The following COMMD3 variants were observed in gnomAD, a reference collection of about 807,000 sequenced individuals.
COMMD3 encodes COMM domain containing 3.
Under a neutral mutation model 31.2 loss-of-function variants are expected in COMMD3, and 31 were observed. The ratio of observed to expected loss-of-function variants is 0.99; its 90% confidence interval spans 0.75 to 1.34. The LOEUF (loss-of-function observed/expected upper bound fraction) is 1.34, where lower values mean the gene tolerates loss of function less well. COMMD3 is among the 40% of genes most tolerant of loss of function. The probability of loss-of-function intolerance (pLI) is 0.00; values close to 1 mark genes in which losing one functional copy is unlikely to be tolerated. For synonymous variants in COMMD3, 108 were observed against 87.3 expected (o/e 1.24, Z -1.32); for missense variants, 274 against 236.9 (o/e 1.16, Z -1.03).
Position 22,318,318 on chromosome 10 carries a change from A to T in COMMD3, c.350+12A>T, listed in dbSNP as rs369796648. 6.3e-7 allele frequency: 1 copy of T among 1,594,990 alleles called. No individual in the cohort carries two copies. The highest frequency in any genetic ancestry group is 8.5e-7 in the Non-Finnish European group (1 of 1,175,000). Reference sequence around the variant, plus strand: ...ATCCTACTGGGAAGGTAGGTACTGTATAAGGTGTCAAGCTGAGGCACTTTT... The same window carrying T: ...ATCCTACTGGGAAGGTAGGTACTGTTTAAGGTGTCAAGCTGAGGCACTTTT... On this transcript the variant is annotated intron_variant, in intron 4 of 7. Coordinates refer to ENST00000376836, the MANE Select transcript of COMMD3 (RefSeq NM_012071.4).
intron 7 of COMMD3, 103 bp downstream of exon 7, chr10:22,319,121 A>G (rs934726928): frequency 2.3e-6 from 3 of 1,300,644 alleles, no homozygotes; most frequent in African/African-American, 3.0e-5. Flanking sequence ...ACCATTTGTC[A>G]GCAGATAATG....
Position 22,320,005 on chromosome 10 carries a change from G to A in COMMD3, c.*7G>A, listed in dbSNP as rs1450947389. The A allele has an allele frequency of 6.2e-7, 1 of 1,614,006 alleles. No homozygotes were observed. The highest frequency in any genetic ancestry group is 8.5e-7 in the Non-Finnish European group (1 of 1,180,000). ...AAGAGCAACTCAGTTGTAACTTGGG[G>A]AAGTTAACGATCCGCCCGAGTGCAG... On this transcript the variant is annotated 3_prime_UTR_variant, in exon 8 of 8. Transcript: ENST00000376836.
At position 22,318,879 on chromosome 10, in the gene COMMD3, C is replaced by T. The variant is rs1835904499; in HGVS notation, c.468+17C>T. Reference sequence around the variant, plus strand: ...AGTGTACAGGTATTTATAGATAAGTCTTATCCAATAATGAAATTTATAATT... The same window carrying T: ...AGTGTACAGGTATTTATAGATAAGTTTTATCCAATAATGAAATTTATAATT... On this transcript the variant is annotated intron_variant, in intron 6 of 7. Coordinates refer to ENST00000376836, the MANE Select transcript of COMMD3 (RefSeq NM_012071.4). 1.2e-6 allele frequency: 2 copies of T among 1,612,918 alleles called. No individual in the cohort carries two copies. Among genetic ancestry groups the T allele is most frequent in the South Asian group, 1.1e-5 (1 of 90,906 alleles).
At position 22,319,010 on chromosome 10, in the gene COMMD3, C is replaced by A. The variant is rs757610657; in HGVS notation, c.520C>A (p.Gln174Lys). 3.1e-6 allele frequency: 5 copies of A among 1,610,982 alleles called. No homozygotes were observed. The highest frequency in any genetic ancestry group is 4.2e-6 in the Non-Finnish European group (5 of 1,179,032). ...GATTAGTTTTAGTTGCAGCATGGAA[C>A]AATTACAGGTACAGTATTAGGATCT... is the stretch of plus-strand genomic sequence containing the variant. ...PEISFSCSME[Q>K]LQDLVGKLKD... Residue 174 changes from glutamine (Q) to lysine (K), a missense_variant, in exon 7 of 8, where the codon CAA becomes AAA. Physicochemically the swap from Gln to Lys is moderately conservative, Grantham distance 53 (BLOSUM62 1). Transcript: ENST00000376836.
Position 22,318,851 on chromosome 10 carries a change from T to C in COMMD3, c.457T>C (p.Leu153=), listed in dbSNP as rs890489470. The part of the protein sequence containing the change: ...RMYRPAYLVT[L]SVQNTDSPSY... ...GTACAGACCTGCATATTTGGTGACC[T>C]TAAGTGTACAGGTATTTATAGATAA... The change falls in exon 6 of 8, where the codon TTA becomes CTA. Residue 153 remains leucine (L), a synonymous_variant. Transcript: ENST00000376836. 6.2e-7 allele frequency: 1 copy of C among 1,613,870 alleles called. No individual in the cohort carries two copies. The highest frequency in any genetic ancestry group is 2.2e-5 in the East Asian group (1 of 44,822).
chr10:22,319,759 G>A (rs1057044928), intron 7 of COMMD3, 180 bp from the exon 8 acceptor site: 16 of 655,422 alleles, frequency 2.4e-5, no homozygotes, highest in Middle Eastern at 4.3e-4. Flanking sequence ...TTGAACATGA[G>A]GTATTTCCGA....
chr10:22,317,371 C>CA (rs140516134), intron 1 of COMMD3: 4,922 of 147,500 alleles, frequency 0.033, 244 homozygotes, highest in African/African-American at 0.12. Flanking sequence ...GGGTTAATCT[C>CA]AAAAAAAAAA....
chr10:22,318,706 A>G lies in COMMD3; in HGVS notation c.404A>G (p.Gln135Arg). Residue 135 changes from glutamine to arginine, a missense_variant, in exon 5 of 8, where the codon CAG (glutamine) becomes CGG (arginine). Physicochemically the swap from Gln to Arg is conservative, Grantham distance 43 (BLOSUM62 1). Transcript: ENST00000376836. ...GATGTTTCTTGGCGCTTGGAATATC[A>G]GATAAAGGTAAAGTTTAAGAAACTT... ...ITDVSWRLEY[Q>R]IKTNQLHRMY... The G allele has an allele frequency of 6.2e-7, 1 of 1,613,384 alleles. No individual in the cohort carries two copies. Among genetic ancestry groups the G allele is most frequent in the Non-Finnish European group, 8.5e-7 (1 of 1,179,460 alleles).
chr10:22,317,729 G>A (rs1300906511), intron 1 of COMMD3, 155 bp from the exon 2 acceptor site: 2 of 620,332 alleles, frequency 3.2e-6, no homozygotes, highest in African/African-American at 3.7e-5. Flanking sequence ...ACTTGATCTT[G>A]TTGCTCATCT....
intron 2 of COMMD3, 49 bp from the exon 3 acceptor site, chr10:22,318,056 A>C: frequency 6.2e-7 from 1 of 1,606,102 alleles, no homozygotes; most frequent in Non-Finnish European, 8.5e-7. Context: ...TTTCAATTTC[A>C]GTTTTAAAAA....
Position 22,320,094 on chromosome 10 carries a change from C to T in COMMD3, c.*96C>T. ...GTTTGTGCGAGCTGGATGTCCTTTT[C>T]AGTAGAAAAGAATTTTCCTTTTGAA... On this transcript the variant is annotated 3_prime_UTR_variant, in exon 8 of 8. Coordinates refer to ENST00000376836, the MANE Select transcript of COMMD3 (RefSeq NM_012071.4). 1 of 1,606,378 alleles carries T rather than the reference C, an allele frequency of 6.2e-7. No homozygotes were observed. The highest frequency in any genetic ancestry group is 8.5e-7 in the Non-Finnish European group (1 of 1,176,312).
rs1835904314 is a variant in COMMD3 at position 22,318,872 on chromosome 10, G to A, written c.468+10G>A. On this transcript the variant is annotated intron_variant, in intron 6 of 7. Transcript: ENST00000376836. ...GACCTTAAGTGTACAGGTATTTATA[G>A]ATAAGTCTTATCCAATAATGAAATT... 1 of 1,613,438 alleles carries A rather than the reference G, an allele frequency of 6.2e-7. No homozygotes were observed. The highest frequency in any genetic ancestry group is 2.2e-5 in the East Asian group (1 of 44,816).
chr10:22,318,212 T>C (rs199872428), intron 3 of COMMD3, 44 bp downstream of exon 3: 55 of 1,593,146 alleles, frequency 3.5e-5, no homozygotes, highest in Non-Finnish European at 4.1e-5. Context: ...TATTTTTCTT[T>C]TACTTTGTTT....
Position 22,318,085 on chromosome 10 carries a change from T to C in COMMD3, c.252-20T>C. ...TTAAAAATGGAGACAGAACTTTGGCTTTTTTTTTCTTTCTTCTAGCACTTA... is the reference window on the plus strand; with the variant it reads ...TTAAAAATGGAGACAGAACTTTGGCCTTTTTTTTCTTTCTTCTAGCACTTA... On this transcript the variant is annotated intron_variant, in intron 2 of 7. Coordinates refer to ENST00000376836, the MANE Select transcript of COMMD3 (RefSeq NM_012071.4). 1 of 1,602,328 alleles carries C rather than the reference T, an allele frequency of 6.2e-7. No individual in the cohort carries two copies. The highest frequency in any genetic ancestry group is 8.5e-7 in the Non-Finnish European group (1 of 1,175,874).
At position 22,317,726 on chromosome 10, in the gene COMMD3, C is replaced by G. The variant is rs536887900; in HGVS notation, c.140-158C>G. ...TTCTTTTTATTGTTTTTCACTTGAT[C>G]TTGTTGCTCATCTCATTTACTTATA... On this transcript the variant is annotated intron_variant, in intron 1 of 7. Transcript: ENST00000376836. 6.6e-4 allele frequency: 402 copies of G among 608,234 alleles called. 1 individual carries two copies. In the African/African-American group the frequency reaches 6.7e-3, roughly 10 times the overall value. The allele number at this position is 608,234 out of a possible 1,614,324, so 37.7% of individuals were successfully genotyped here. A position where few individuals can be genotyped will look rare whatever the true frequency, so the allele number is the denominator to read the frequency against.
chr10:22,318,427 T>C (rs1251789808), intron 4 of COMMD3, 121 bp downstream of exon 4: 2 of 1,382,758 alleles, frequency 1.4e-6, no homozygotes, highest in Non-Finnish European at 2.0e-6. Context: ...AAAGGGCATG[T>C]CAAGCAATTG....
Position 22,320,220 on chromosome 10 carries a change from T to C in COMMD3, c.*222T>C. ...TGAATCGTTTAGTAGTAACTGTCCA[T>C]TTATCCTATTTTGATCTTTTTCAAG... On this transcript the variant is annotated 3_prime_UTR_variant, in exon 8 of 8. Transcript: ENST00000376836. 1 of 1,228,520 alleles carries C rather than the reference T, an allele frequency of 8.1e-7. No homozygotes were observed. The highest frequency in any genetic ancestry group is 1.6e-5 in the South Asian group (1 of 63,276). 76.1% of individuals were successfully genotyped at this position (1,228,520 alleles called of 1,614,324 possible). A position where few individuals can be genotyped will look rare whatever the true frequency, so the allele number is the denominator to read the frequency against.
chr10:22,316,532 G>T lies in COMMD3; in HGVS notation c.115G>T (p.Ala39Ser), dbSNP rs745894179. Reference protein sequence around the residue: ...LRAAFQSLLDAQADEAVLDHP... With the variant: ...LRAAFQSLLDSQADEAVLDHP... Reference sequence around the variant, plus strand: ...GGCGGCATTCCAGAGTCTGCTGGACGCCCAGGCGGACGAGGCCGTGTTAGG... The same window carrying T: ...GGCGGCATTCCAGAGTCTGCTGGACTCCCAGGCGGACGAGGCCGTGTTAGG... The change falls in exon 1 of 8, where the codon GCC becomes TCC. Residue 39 changes from alanine (A) to serine (S), a missense_variant. Ala to Ser is a moderately conservative substitution (Grantham distance 99, BLOSUM62 1). Coordinates refer to ENST00000376836, the MANE Select transcript of COMMD3 (RefSeq NM_012071.4). 4.5e-6 allele frequency: 7 copies of T among 1,549,078 alleles called. No homozygotes were observed. The highest frequency in any genetic ancestry group is 1.2e-5 in the South Asian group (1 of 83,946).
chr10:22,319,303 T>G (rs1229411186), intron 7 of COMMD3: 2 of 298,060 alleles, frequency 6.7e-6, no homozygotes, highest in African/African-American at 4.3e-5. Context: ...CATGATGAGT[T>G]TGGTCCAATA....
Sources: gnomAD v4.1 joint callset for allele counts on GRCh38, gnomAD v4.1.1 for gene constraint, MANE v1.5 for transcripts, NCBI Gene and HGNC (gene_info 2026-07-23, HGNC 2026-07-21) for gene names.